Variants in RNF220 observed in about 807,000 individuals in gnomAD.
RNF220 encodes ring finger protein 220, also known as E3 ubiquitin-protein ligase RNF220.
Under a neutral mutation model 67.1 loss-of-function variants are expected in RNF220, and 7 were observed. The ratio of observed to expected loss-of-function variants is 0.10; its 90% confidence interval spans 0.06 to 0.20. The LOEUF (loss-of-function observed/expected upper bound fraction) is 0.20. RNF220 is among the 10% of genes least tolerant of loss of function. The pLI, the probability that RNF220 is intolerant of heterozygous loss-of-function variation, is 1.00. For missense variants in RNF220, 565 were observed against 740.3 expected (o/e 0.76, Z 2.75); for synonymous variants, 270 against 283.2 (o/e 0.95, Z 0.47).
rs1572896463 is a variant in RNF220 at position 44,565,033 on chromosome 1, G to C, written c.626-49132G>C. Among the ~76,000 whole-genome samples the C allele has an allele frequency of 1.3e-5, 2 of 151,664 alleles. No individual in the cohort carries two copies. The highest frequency in any genetic ancestry group is 4.1e-4 in the East Asian group (2 of 4,922). On this transcript the variant is annotated intron_variant, in intron 2 of 14. Coordinates refer to ENST00000361799, the MANE Select transcript of RNF220 (RefSeq NM_018150.4). The surrounding 1 kb of genome is among the most constrained non-coding windows in gnomAD (Gnocchi z 4.2). Reference sequence around the variant, plus strand: ...CTGGCCTGAATCAACTCTATCCTTAGCACATAGCATGGGCCTGGCCTGAAT... The same window carrying C: ...CTGGCCTGAATCAACTCTATCCTTACCACATAGCATGGGCCTGGCCTGAAT...
intron 2 of RNF220, among the ~76,000 whole-genome samples, chr1:44,448,844 A>G (rs1448114879): frequency 6.6e-6 from 1 of 152,214 alleles, no homozygotes; most frequent in African/African-American, 2.4e-5. Context: ...ATGGGTTTCA[A>G]GTGAATGCTT....
At chr1:44,514,413 T>A (rs941120980) in intron 2 of RNF220, among the ~76,000 whole-genome samples, 5 of 152,224 alleles carry the variant, frequency 3.3e-5, no homozygotes, top group African/African-American at 1.2e-4. Flanking sequence ...AAATGTAGCC[T>A]GAGAGGAAGA....
At chr1:44,527,538 G>A (rs866234449) in intron 2 of RNF220, among the ~76,000 whole-genome samples, 70 of 151,952 alleles carry the variant, frequency 4.6e-4, no homozygotes, top group African/African-American at 1.5e-3. Context: ...TGAGAGAATC[G>A]CTTAAGTCCA....
rs144755662 is a variant in RNF220 at position 44,514,259 on chromosome 1, G to A, written c.626-99906G>A. 4.1e-3 allele frequency among the ~76,000 whole-genome samples: 626 copies of A among 152,238 alleles called. 5 individuals are homozygous for A. Among genetic ancestry groups the A allele is most frequent in the African/African-American group, 0.014 (574 of 41,542 alleles). On this transcript the variant is annotated intron_variant, in intron 2 of 14. Coordinates refer to ENST00000361799, the MANE Select transcript of RNF220 (RefSeq NM_018150.4). ...GGCTTGCAGGATTTGTTAAATGAGC[G>A]GCCTAAAATAATGGAATTATGGAGG...
chr1:44,527,742 G>A (rs270726), intron 2 of RNF220, among the ~76,000 whole-genome samples: 150,649 of 151,764 alleles, frequency 0.99, 74,782 homozygotes, highest in Middle Eastern at 1. Context: ...CCTGGCCAAC[G>A]TGGTGAAACC....
intron 2 of RNF220, among the ~76,000 whole-genome samples, chr1:44,433,629 T>A (rs866974944): frequency 6.6e-6 from 1 of 152,210 alleles, no homozygotes; most frequent in Non-Finnish European, 1.5e-5. Flanking sequence ...TAAGTGCAAA[T>A]TTTAGTTTGC....
chr1:44,485,413 C>T (rs781783), intron 2 of RNF220, among the ~76,000 whole-genome samples: 122,343 of 152,110 alleles, frequency 0.8, 49,611 homozygotes, highest in Middle Eastern at 0.87. Flanking sequence ...AATGAGAAAA[C>T]AGTGACTCCT....
At chr1:44,557,960 G>A (rs1328380780) in intron 2 of RNF220, among the ~76,000 whole-genome samples, 2 of 152,174 alleles carry the variant, frequency 1.3e-5, no homozygotes, top group Non-Finnish European at 2.9e-5. Flanking sequence ...AGAGTGCCAC[G>A]GCTGAGCCCT....
rs1380131040 is a variant in RNF220, at chr1:44,608,220, G to A, written c.626-5945G>A. Among the ~76,000 whole-genome samples, 6 of 152,206 alleles carry A rather than the reference G, an allele frequency of 3.9e-5. No homozygotes were observed. The South Asian group carries it at 6.2e-4, about 16-fold the overall frequency. ...GATTACAGGTTTGAGCCACCACACC[G>A]GCCCCATGTACTTTTCTTTTCCTAA... On this transcript the variant is annotated intron_variant, in intron 2 of 14. Transcript: ENST00000361799.
intron 2 of RNF220, among the ~76,000 whole-genome samples, chr1:44,459,582 G>C (rs985964993): frequency 6.6e-6 from 1 of 152,078 alleles, no homozygotes; most frequent in African/African-American, 2.4e-5. Context: ...AGGAATTTGG[G>C]GATCTTCGAA....
chr1:44,550,961 G>A (rs754009637), intron 2 of RNF220, among the ~76,000 whole-genome samples: 2 of 152,146 alleles, frequency 1.3e-5, no homozygotes, highest in African/African-American at 2.4e-5. Context: ...CATCACTCAG[G>A]CATTCAGGGG....
intron 2 of RNF220, among the ~76,000 whole-genome samples, chr1:44,610,120 G>C (rs1349920058): frequency 6.6e-6 from 1 of 152,192 alleles, no homozygotes; most frequent in Non-Finnish European, 1.5e-5. Context: ...GAATGTGGAC[G>C]GGAGGCGGAA....
rs1346021315 is a variant in RNF220 at position 44,405,431 on chromosome 1, G to A, written c.-217G>A. 12 of 628,066 alleles carry A rather than the reference G, an allele frequency of 1.9e-5. No homozygotes were observed. In the Admixed American group the frequency reaches 2.4e-4, roughly 13 times the overall value. The allele number at this position is 628,066 out of a possible 1,614,324, so 38.9% of individuals were successfully genotyped here. Reference sequence around the variant, plus strand: ...CGCCGCCGCCGCCGCTGCCTCCGCCGGCTCTGCGAACCCGGGACTTTTCAT... The same window carrying A: ...CGCCGCCGCCGCCGCTGCCTCCGCCAGCTCTGCGAACCCGGGACTTTTCAT... On this transcript the variant is annotated 5_prime_UTR_variant, in exon 1 of 15. Transcript: ENST00000361799.
intron 2 of RNF220, among the ~76,000 whole-genome samples, chr1:44,538,373 C>T (rs1208078773): frequency 6.6e-6 from 1 of 152,094 alleles, no homozygotes; most frequent in Non-Finnish European, 1.5e-5. Flanking sequence ...CTGTATTTCC[C>T]CTTAAGCTAC....
At chr1:44,547,943 C>CT (rs1662301730) in intron 2 of RNF220, among the ~76,000 whole-genome samples, 1 of 152,178 alleles carries the variant, frequency 6.6e-6, no homozygotes, top group South Asian at 2.1e-4. Context: ...AACCCAGACT[C>CT]TTAACACAGT....
At chr1:44,488,680 C>G (rs1178026426) in intron 2 of RNF220, among the ~76,000 whole-genome samples, 1 of 149,686 alleles carries the variant, frequency 6.7e-6, no homozygotes, top group East Asian at 2.0e-4. Flanking sequence ...ACAACTGAAA[C>G]AAAAGTTTCA....
In RNF220 at chr1:44,651,092, C is replaced by T; in HGVS notation, c.*317C>T. The T allele has an allele frequency of 2.3e-6, 1 of 426,396 alleles. No individual in the cohort carries two copies. The highest frequency in any genetic ancestry group is 3.5e-5 in the Admixed American group (1 of 28,780). The allele number at this position is 426,396 out of a possible 1,614,324, so 26.4% of individuals were successfully genotyped here. On this transcript the variant is annotated 3_prime_UTR_variant, in exon 15 of 15. Coordinates refer to ENST00000361799, the MANE Select transcript of RNF220 (RefSeq NM_018150.4). ...GGCACGGCTCCTAAGATCCAGCCCC[C>T]ATACTGACAGACGGACAGACAGACA...
chr1:44,641,785 G>C (rs1644496880), intron 8 of RNF220, among the ~76,000 whole-genome samples: 1 of 152,218 alleles, frequency 6.6e-6, no homozygotes, highest in South Asian at 2.1e-4. Flanking sequence ...GGTAGGGAGA[G>C]GTTCCCAACA....
rs1008190044 is a variant in RNF220 at position 44,565,994 on chromosome 1, C to T, written c.626-48171C>T. ...AGGCTTCGGCTGCCTTTAAATAGTCCGATCTATCAGAGGGGCACACGCTGC... is the reference window on the plus strand; with the variant it reads ...AGGCTTCGGCTGCCTTTAAATAGTCTGATCTATCAGAGGGGCACACGCTGC... On this transcript the variant is annotated intron_variant, in intron 2 of 14. Transcript: ENST00000361799. The surrounding 1 kb of genome is among the most constrained non-coding windows in gnomAD (Gnocchi z 4.2). Among the ~76,000 whole-genome samples, 3 of 152,162 alleles carry T rather than the reference C, an allele frequency of 2.0e-5. No individual in the cohort carries two copies. Among genetic ancestry groups the T allele is most frequent in the African/African-American group, 7.2e-5 (3 of 41,430 alleles).
Sources: gnomAD v4.1 joint callset for allele counts (sites outside exome capture counted in the v4.1 genomes callset) on GRCh38, gnomAD v4.1.1 for gene constraint, Gnocchi (gnomAD v3.1) non-coding constraint, MANE v1.5 for transcripts, NCBI Gene and HGNC (gene_info 2026-07-23, HGNC 2026-07-21) for gene names.